ZNF441: variants seen among roughly 807,000 people sequenced by gnomAD.
ZNF441 encodes the protein zinc finger protein 441.
ZNF441 carries 25 observed loss-of-function variants against 64.5 expected under a neutral mutation model. That is an observed-to-expected ratio of 0.39 (90% CI 0.28 to 0.54). The LOEUF (loss-of-function observed/expected upper bound fraction) is 0.54, where lower values mean the gene tolerates loss of function less well. ZNF441 is among the 20% of genes least tolerant of loss of function. ZNF441 has a pLI of 0.70. For synonymous variants in ZNF441, 262 were observed against 268.0 expected, an observed-to-expected ratio of 0.98 and a Z score of 0.22; for missense variants, 715 against 843.3, an observed-to-expected ratio of 0.85 and a Z score of 1.88.
At position 11,780,219 on chromosome 19, in the gene ZNF441, A is replaced by G; in HGVS notation, c.395A>G (p.Glu132Gly). 1.2e-6 allele frequency: 2 copies of G among 1,614,230 alleles called. No individual in the cohort carries two copies. The highest frequency in any genetic ancestry group is 1.1e-5 in the South Asian group (1 of 91,086). Reference protein sequence around the residue: ...VRVDSEHKPCEYQEYGEKPYT... With the variant: ...VRVDSEHKPCGYQEYGEKPYT... ...GTTGACAGTGAACACAAACCATGTG[A>G]GTATCAAGAATATGGAGAGAAGCCA... Residue 132 changes from glutamate (E) to glycine (G), a missense_variant, in exon 4 of 4, where the codon GAG becomes GGG. Around this residue, in one of 2 missense-constraint regions of ZNF441, gnomAD observed 399 missense variants for 413.9 expected, o/e 0.96. Transcript: ENST00000357901.
intron 1 of ZNF441, among the ~76,000 whole-genome samples, chr19:11,772,399 C>G (rs1241127654): frequency 6.6e-6 from 1 of 152,158 alleles, no homozygotes; most frequent in African/African-American, 2.4e-5. Flanking sequence ...GGTCCCTACA[C>G]CAGGCCAGGC....
chr19:11,778,439 T>C, intron 3 of ZNF441, 46 bp downstream of exon 3: 2 of 1,364,210 alleles, frequency 1.5e-6, no homozygotes, highest in East Asian at 2.5e-5. Flanking sequence ...AAGTGATTCA[T>C]AGTATGCCAG....
chr19:11,780,376 A>T lies in ZNF441; in HGVS notation c.552A>T (p.Gln184His). 6.2e-7 allele frequency: 1 copy of T among 1,614,218 alleles called. No homozygotes were observed. The highest frequency in any genetic ancestry group is 8.5e-7 in the Non-Finnish European group (1 of 1,180,042). Reference protein sequence around the residue: ...CASFSSLENLQRHMAAHHGDG... With the variant: ...CASFSSLENLHRHMAAHHGDG... ...GCTTCAGTTCTCTTGAAAACCTTCA[A>T]AGACACATGGCAGCACACCATGGAG... Residue 184 changes from glutamine to histidine, a missense_variant, in exon 4 of 4, where the codon CAA becomes CAT. Around this residue, in one of 2 missense-constraint regions of ZNF441, gnomAD observed 399 missense variants for 413.9 expected, o/e 0.96. Transcript: ENST00000357901.
chr19:11,772,746 C>A (rs1484655651), intron 1 of ZNF441, among the ~76,000 whole-genome samples: 1 of 152,080 alleles, frequency 6.6e-6, no homozygotes, highest in Non-Finnish European at 1.5e-5. Flanking sequence ...GGTGGCACAT[C>A]CAGCCACTCA....
intron 1 of ZNF441, among the ~76,000 whole-genome samples, chr19:11,776,200 T>C (rs973876205): frequency 6.6e-6 from 1 of 152,206 alleles, no homozygotes; most frequent in Non-Finnish European, 1.5e-5. Flanking sequence ...TAAGATCTGA[T>C]CTGCTCTCTC....
chr19:11,767,150 C>T lies in ZNF441; in HGVS notation c.-44C>T. ...TCTGTCTCGCTGGGACCCGCACTGA[C>T]AGCGGGAGGCAGAGGGAGGAACCTG... On this transcript the variant is annotated 5_prime_UTR_variant, in exon 1 of 4. Transcript: ENST00000357901. The surrounding 1 kb of genome is among the most constrained non-coding windows in gnomAD (Gnocchi z 5.1). 1 of 1,554,638 alleles carries T rather than the reference C, an allele frequency of 6.4e-7. No individual in the cohort carries two copies. The highest frequency in any genetic ancestry group is 8.7e-7 in the Non-Finnish European group (1 of 1,148,832).
intron 1 of ZNF441, among the ~76,000 whole-genome samples, chr19:11,771,737 T>G (rs1232980410): frequency 1.3e-5 from 2 of 152,242 alleles, no homozygotes; most frequent in Non-Finnish European, 2.9e-5. Flanking sequence ...CGCCAGCGTC[T>G]GGGAAGACGC....
rs1975424650 is a variant in ZNF441, at chr19:11,783,950, C to T, written c.*2044C>T. 6.6e-6 allele frequency: 1 copy of T among 152,188 alleles called. No homozygotes were observed. The highest frequency in any genetic ancestry group is 1.5e-5 in the Non-Finnish European group (1 of 68,024). The allele number at this position is 152,188 out of a possible 1,614,324, so 9.4% of individuals were successfully genotyped here. On this transcript the variant is annotated 3_prime_UTR_variant, in exon 4 of 4. Transcript: ENST00000357901. ...CATAGAAGTGGTAAATACTCAAGAT[C>T]ATGGATACCCCAAATACGCTGACTT...
At chr19:11,773,954 T>C (rs1975335458) in intron 1 of ZNF441, among the ~76,000 whole-genome samples, 1 of 152,210 alleles carries the variant, frequency 6.6e-6, no homozygotes. Flanking sequence ...ATATCACATA[T>C]ATGTTATTGT....
Position 11,783,846 on chromosome 19 carries a change from C to G in ZNF441, c.*1940C>G, listed in dbSNP as rs1477287164. 1 of 152,102 alleles carries G rather than the reference C, an allele frequency of 6.6e-6. No individual in the cohort carries two copies. Among genetic ancestry groups the G allele is most frequent in the African/African-American group, 2.4e-5 (1 of 41,404 alleles). 9.4% of individuals were successfully genotyped at this position (152,102 alleles called of 1,614,324 possible). A position where few individuals can be genotyped will look rare whatever the true frequency, so the allele number is the denominator to read the frequency against. On this transcript the variant is annotated 3_prime_UTR_variant, in exon 4 of 4. Transcript: ENST00000357901. Reference sequence around the variant, plus strand: ...ATAAGTTCTGATGTTAGAAAGCATACTAGAGTGAACTATAGTTAGCAAAAA... The same window carrying G: ...ATAAGTTCTGATGTTAGAAAGCATAGTAGAGTGAACTATAGTTAGCAAAAA...
At chr19:11,779,746 C>CA (rs59397026) in intron 3 of ZNF441, among the ~76,000 whole-genome samples, 2,954 of 124,358 alleles carry the variant, frequency 0.024, 120 homozygotes, top group East Asian at 0.085. Context: ...GACTCCGTCT[C>CA]AAAAAAAAAA....
intron 1 of ZNF441, among the ~76,000 whole-genome samples, chr19:11,775,573 C>T (rs1975348081): frequency 6.6e-6 from 1 of 151,494 alleles, no homozygotes; most frequent in Non-Finnish European, 1.5e-5. Context: ...TCGTGATCCG[C>T]CCACCTCGGC....
rs73922687 is a variant in ZNF441, at chr19:11,767,666, T to C, written c.3+470T>C. On this transcript the variant is annotated intron_variant, in intron 1 of 3. Coordinates refer to ENST00000357901, the MANE Select transcript of ZNF441 (RefSeq NM_152355.3). The surrounding 1 kb of genome is among the most constrained non-coding windows in gnomAD (Gnocchi z 5.1). ...ATGGTGGGGAAGTGAGGGGTGACTCTTGGGACTGGAGGTGAAGAAACCGCA... is the reference window on the plus strand; with the variant it reads ...ATGGTGGGGAAGTGAGGGGTGACTCCTGGGACTGGAGGTGAAGAAACCGCA... 0.021 allele frequency among the ~76,000 whole-genome samples: 3,246 copies of C among 152,232 alleles called. 121 individuals are homozygous for C. The highest frequency in any genetic ancestry group is 0.075 in the African/African-American group (3,121 of 41,522).
intron 1 of ZNF441, among the ~76,000 whole-genome samples, chr19:11,774,219 T>C (rs750084454): frequency 5.3e-5 from 8 of 152,184 alleles, no homozygotes; most frequent in Non-Finnish European, 8.8e-5. Context: ...AATTCCTCTA[T>C]TGTATTGCCC....
intron 1 of ZNF441, among the ~76,000 whole-genome samples, chr19:11,776,796 C>T (rs1281038589): frequency 6.6e-6 from 1 of 150,396 alleles, no homozygotes; most frequent in Non-Finnish European, 1.5e-5. Context: ...GACACAGTGA[C>T]CAGAGTGTTT....
rs1181598278 is a variant in ZNF441 at position 11,767,350 on chromosome 19, G to A, written c.3+154G>A. On this transcript the variant is annotated intron_variant, in intron 1 of 3. Coordinates refer to ENST00000357901, the MANE Select transcript of ZNF441 (RefSeq NM_152355.3). The surrounding 1 kb of genome is among the most constrained non-coding windows in gnomAD (Gnocchi z 5.1). ...CTCGGCCGCACGATGGGGCTGGGGC[G>A]GCAGCCGGGACCCCGGGCGTCCTGT... Among the ~76,000 whole-genome samples the A allele has an allele frequency of 6.6e-6, 1 of 152,230 alleles. No homozygotes were observed. Among genetic ancestry groups the A allele is most frequent in the East Asian group, 1.9e-4 (1 of 5,184 alleles).
intron 1 of ZNF441, among the ~76,000 whole-genome samples, chr19:11,774,650 T>A (rs1415726970): frequency 6.6e-6 from 1 of 152,216 alleles, no homozygotes; most frequent in African/African-American, 2.4e-5. Flanking sequence ...TATTCATACA[T>A]CCCTTTTCTG....
chr19:11,782,554 C>A lies in ZNF441; in HGVS notation c.*648C>A, dbSNP rs1975412665. On this transcript the variant is annotated 3_prime_UTR_variant, in exon 4 of 4. Transcript: ENST00000357901. ...AAAGTCTACATGTTCAGTACAAATACAACTGTCATTCATTGTCCTAAGTAC... is the reference window on the plus strand; with the variant it reads ...AAAGTCTACATGTTCAGTACAAATAAAACTGTCATTCATTGTCCTAAGTAC... 6.6e-6 allele frequency: 1 copy of A among 152,168 alleles called. No homozygotes were observed. Among genetic ancestry groups the A allele is most frequent in the Non-Finnish European group, 1.5e-5 (1 of 68,020 alleles). 9.4% of individuals were successfully genotyped at this position (152,168 alleles called of 1,614,324 possible).
intron 1 of ZNF441, among the ~76,000 whole-genome samples, chr19:11,777,001 T>C (rs413767): frequency 0.5 from 75,833 of 151,880 alleles, 20,775 homozygotes; most frequent in African/African-American, 0.75. Context: ...GTAGAGACAG[T>C]GTTTCTCCCT....
Sources: allele counts gnomAD v4.1 joint callset (sites outside exome capture counted in the v4.1 genomes callset), GRCh38; gene constraint gnomAD v4.1.1; regional missense constraint gnomAD v4.1.1; non-coding constraint Gnocchi (gnomAD v3.1); transcripts MANE v1.5; gene names NCBI Gene and HGNC (gene_info 2026-07-23, HGNC 2026-07-21).